The following MRPL39 variants were observed in gnomAD, a reference collection of about 807,000 sequenced individuals.
The protein encoded by MRPL39 is mitochondrial ribosomal protein L39.
MRPL39 carries 35 observed loss-of-function variants against 44.5 expected under a neutral mutation model. That is an observed-to-expected ratio of 0.79 (90% CI 0.60 to 1.04). The LOEUF is 1.04. Ranked by LOEUF, MRPL39 falls within the 50% of genes least tolerant of loss-of-function variation. MRPL39 has a pLI of 0.00. For missense variants in MRPL39, 433 were observed against 413.5 expected (o/e 1.05, Z -0.41); for synonymous variants, 139 against 136.1 (o/e 1.02, Z -0.15).
At chr21:25,601,950 C>A (rs1316550667) in intron 3 of MRPL39, among the ~76,000 whole-genome samples, 1 of 152,180 alleles carries the variant, frequency 6.6e-6, no homozygotes, top group Non-Finnish European at 1.5e-5. Flanking sequence ...AGCAGAGCAG[C>A]AGGAACTGGG....
intron 4 of MRPL39, among the ~76,000 whole-genome samples, chr21:25,600,166 C>A (rs1330177355): frequency 6.6e-6 from 1 of 152,026 alleles, no homozygotes; most frequent in East Asian, 1.9e-4. Context: ...GAAGCCAAGG[C>A]AGGTGGATCA....
chr21:25,597,881 C>T (rs929558407), intron 5 of MRPL39, among the ~76,000 whole-genome samples: 4 of 151,820 alleles, frequency 2.6e-5, no homozygotes, highest in Non-Finnish European at 5.9e-5. Context: ...GCATCATCAC[C>T]CACCCTGTGC....
Position 25,593,083 on chromosome 21 carries a change from T to G in MRPL39, c.768-118A>C, listed in dbSNP as rs1377047724. ...CATCCCTAATCAAGAACATTATATA[T>G]GGTTCAATTCAGTTTCTAATGACCC... On this transcript the variant is annotated intron_variant, in intron 7 of 9. Coordinates refer to ENST00000352957, the MANE Select transcript of MRPL39 (RefSeq NM_017446.4). 8 of 882,036 alleles carry G rather than the reference T, an allele frequency of 9.1e-6. No homozygotes were observed. In the East Asian group the frequency reaches 2.1e-4, roughly 23 times the overall value. 54.6% of individuals were successfully genotyped at this position (882,036 alleles called of 1,614,324 possible).
chr21:25,606,038 C>CA (rs2031655091), intron 2 of MRPL39, among the ~76,000 whole-genome samples: 2 of 152,200 alleles, frequency 1.3e-5, no homozygotes, highest in African/African-American at 4.8e-5. Flanking sequence ...TTGCAATACT[C>CA]AGAGTACCCT....
chr21:25,600,830 G>A (rs537566163), intron 4 of MRPL39, among the ~76,000 whole-genome samples: 30 of 152,256 alleles, frequency 2.0e-4, no homozygotes, highest in African/African-American at 6.3e-4. Flanking sequence ...GCTAAGGGCC[G>A]GGCACGGTGG....
At chr21:25,597,687 A>G (rs1354851977) in intron 5 of MRPL39, among the ~76,000 whole-genome samples, 1 of 152,190 alleles carries the variant, frequency 6.6e-6, no homozygotes. Flanking sequence ...TCCAAATTAT[A>G]TAATTTCATC....
At chr21:25,604,299 A>T (rs2031604764) in intron 2 of MRPL39, among the ~76,000 whole-genome samples, 1 of 152,090 alleles carries the variant, frequency 6.6e-6, no homozygotes, top group East Asian at 1.9e-4. Context: ...AATATACTCA[A>T]GGTCTTATTG....
At chr21:25,606,884 G>A (rs2031692640) in intron 1 of MRPL39, among the ~76,000 whole-genome samples, 1 of 152,096 alleles carries the variant, frequency 6.6e-6, no homozygotes, top group African/African-American at 2.4e-5. Flanking sequence ...TTACAATAAG[G>A]GGCAAAAAGT....
chr21:25,586,425 CT>C (rs2030999724), intron 9 of MRPL39, among the ~76,000 whole-genome samples: 1 of 152,180 alleles, frequency 6.6e-6, no homozygotes, highest in African/African-American at 2.4e-5. Context: ...TTCTATCCCC[CT>C]AACAGAACTC....
chr21:25,590,762 A>G (rs2031150329), intron 8 of MRPL39, among the ~76,000 whole-genome samples: 1 of 152,224 alleles, frequency 6.6e-6, no homozygotes, highest in South Asian at 2.1e-4. Context: ...CTCTGTTGAC[A>G]TTGAAAATAT....
At chr21:25,599,398 C>A (rs1367258488) in intron 5 of MRPL39, among the ~76,000 whole-genome samples, 1 of 152,100 alleles carries the variant, frequency 6.6e-6, no homozygotes, top group Non-Finnish European at 1.5e-5. Flanking sequence ...TGTGCTCCAG[C>A]GACCCAAACA....
At chr21:25,599,670 A>G (rs1468356060) in intron 5 of MRPL39, 129 bp downstream of exon 5, 2 of 750,806 alleles carry the variant, frequency 2.7e-6, no homozygotes, top group East Asian at 2.6e-5. Flanking sequence ...ACATAGATAC[A>G]TAGATAGATA....
intron 3 of MRPL39, among the ~76,000 whole-genome samples, chr21:25,602,180 C>T (rs1401113227): frequency 6.6e-6 from 1 of 152,206 alleles, no homozygotes; most frequent in East Asian, 1.9e-4. Context: ...CCATATTACA[C>T]TAAAAATAAG....
chr21:25,595,503 G>C (rs1601375416), intron 6 of MRPL39, among the ~76,000 whole-genome samples: 2 of 152,174 alleles, frequency 1.3e-5, no homozygotes, highest in Admixed American at 1.3e-4. Flanking sequence ...ACCAGTCCTT[G>C]ACAGTTAGAG....
chr21:25,592,352 G>C (rs367832428), intron 8 of MRPL39, among the ~76,000 whole-genome samples: 1 of 152,206 alleles, frequency 6.6e-6, no homozygotes, highest in African/African-American at 2.4e-5. Context: ...AGGTACATGG[G>C]ATCTCTCTAT....
In MRPL39 at chr21:25,599,861, A is replaced by G; in HGVS notation, c.526T>C (p.Ser176Pro). The G allele has an allele frequency of 6.2e-7, 1 of 1,612,386 alleles. No individual in the cohort carries two copies. The change falls in exon 5 of 10, where the codon TCT becomes CCT. Residue 176 changes from serine (S) to proline (P), a missense_variant. Physicochemically the swap from Ser to Pro is moderately conservative, Grantham distance 74. Coordinates refer to ENST00000352957, the MANE Select transcript of MRPL39 (RefSeq NM_017446.4). ...ACTACGTCATAACAGAAGGCACCAG[A>G]AATTACTGTAAATCCAACCAAAATA... ...LVRAPEVPVI[S>P]GAFCYDVVLD...
At chr21:25,590,683 A>T (rs894867330) in intron 8 of MRPL39, among the ~76,000 whole-genome samples, 4 of 152,230 alleles carry the variant, frequency 2.6e-5, no homozygotes, top group African/African-American at 9.6e-5. Context: ...AAACCTCAAC[A>T]TATTAAAGAT....
At position 25,599,423 on chromosome 21, in the gene MRPL39, C is replaced by T. The variant is rs531622719; in HGVS notation, c.588+376G>A. On this transcript the variant is annotated intron_variant, in intron 5 of 9. Transcript: ENST00000352957. ...CGACCCAAACAAGTATGGCTCCAGG[C>T]CCCCTACTACCACATGGGTCAAGAT... Among the ~76,000 whole-genome samples, 17 of 152,228 alleles carry T rather than the reference C, an allele frequency of 1.1e-4. No homozygotes were observed. In the South Asian group the frequency reaches 3.3e-3, roughly 30 times the overall value.
chr21:25,607,454 A>G lies in MRPL39; in HGVS notation c.22T>C (p.Ser8Pro). Residue 8 changes from serine to proline, a missense_variant, in exon 1 of 10, where the codon TCC (serine) becomes CCC (proline). By Grantham distance (74) the Ser-to-Pro change is moderately conservative. Transcript: ENST00000352957. MEALAMG[S>P]RALRLWLVAP... is the part of the protein sequence containing the mutation. ...ACCAGCCAGAGCCGCAGCGCCCGGG[A>G]ACCCATGGCCAGCGCCTCCATAGCA... 1 of 1,612,808 alleles carries G rather than the reference A, an allele frequency of 6.2e-7. No individual in the cohort carries two copies. Among genetic ancestry groups the G allele is most frequent in the Non-Finnish European group, 8.5e-7 (1 of 1,179,924 alleles).
Sources: gnomAD v4.1 joint callset for allele counts (sites outside exome capture counted in the v4.1 genomes callset) on GRCh38, gnomAD v4.1.1 for gene constraint, MANE v1.5 for transcripts, NCBI Gene and HGNC (gene_info 2026-07-23, HGNC 2026-07-21) for gene names.